Variants in FBXO28 observed in about 807,000 individuals in gnomAD.
FBXO28 encodes F-box only protein 28.
A neutral mutation model predicts 38.1 loss-of-function variants in FBXO28; 8 were observed. The ratio of observed to expected loss-of-function variants is 0.21; its 90% confidence interval spans 0.12 to 0.38. The LOEUF (loss-of-function observed/expected upper bound fraction) is 0.38. Among genes scored for constraint, FBXO28 ranks in the 10% least tolerant of loss-of-function variants. The probability of loss-of-function intolerance (pLI) is 1.00; values close to 1 mark genes in which losing one functional copy is unlikely to be tolerated. For missense variants in FBXO28, 345 were observed against 460.6 expected, an observed-to-expected ratio of 0.75 and a Z score of 2.30; for synonymous variants, 168 against 173.8, an observed-to-expected ratio of 0.97 and a Z score of 0.26.
At chr1:224,136,311 A>G (rs1400657896) in intron 3 of FBXO28, among the ~76,000 whole-genome samples, 1 of 151,874 alleles carries the variant, frequency 6.6e-6, no homozygotes, top group Admixed American at 6.6e-5. Flanking sequence ...TAATTTCCAC[A>G]TGCTGAAGTA....
chr1:224,123,879 C>T (rs369504671), intron 1 of FBXO28, among the ~76,000 whole-genome samples: 29 of 152,096 alleles, frequency 1.9e-4, no homozygotes, highest in Non-Finnish European at 1.5e-5. Context: ...GAGACTGAGG[C>T]GAGTGGATCA....
intron 1 of FBXO28, among the ~76,000 whole-genome samples, chr1:224,127,000 C>T (rs528832808): frequency 1.6e-4 from 24 of 151,964 alleles, no homozygotes; most frequent in Non-Finnish European, 2.5e-4. Context: ...TCCTTTCTTT[C>T]CTTCAATAAC....
chr1:224,153,102 A>T, intron 3 of FBXO28, 40 bp from the exon 4 acceptor site: 1 of 1,534,832 alleles, frequency 6.5e-7, no homozygotes, highest in Non-Finnish European at 8.8e-7. Context: ...TTTATTAAAA[A>T]AGAAAAATCT....
chr1:224,127,108 G>C (rs1429800769), intron 1 of FBXO28, among the ~76,000 whole-genome samples: 3 of 151,704 alleles, frequency 2.0e-5, no homozygotes, highest in South Asian at 2.1e-4. Flanking sequence ...GTGTGGTCCA[G>C]AAACCCCAGA....
chr1:224,139,465 C>T (rs11576702), intron 3 of FBXO28, among the ~76,000 whole-genome samples: 24,182 of 151,602 alleles, frequency 0.16, 2,284 homozygotes, highest in Middle Eastern at 0.24. Flanking sequence ...ACATTTTGGC[C>T]GAGCACAGTG....
chr1:224,122,214 T>C (rs1304742184), intron 1 of FBXO28, among the ~76,000 whole-genome samples: 1 of 152,218 alleles, frequency 6.6e-6, no homozygotes, highest in Non-Finnish European at 1.5e-5. Flanking sequence ...TGTGATTCGT[T>C]CATTATTCAT....
intron 3 of FBXO28, 107 bp downstream of exon 3, chr1:224,134,319 G>C: frequency 9.7e-7 from 1 of 1,030,366 alleles, no homozygotes; most frequent in South Asian, 1.5e-5. Flanking sequence ...CTACTTCTCT[G>C]AGTTTCTACT....
At chr1:224,140,811 T>G (rs1277407177) in intron 3 of FBXO28, among the ~76,000 whole-genome samples, 1 of 151,848 alleles carries the variant, frequency 6.6e-6, no homozygotes, top group Non-Finnish European at 1.5e-5. Context: ...CCGAGCATGG[T>G]GGCACGTGCC....
intron 3 of FBXO28, among the ~76,000 whole-genome samples, chr1:224,136,101 G>GTTTTTTTTTTTTTTTTTTTTTTTT (rs397982996): frequency 4.0e-5 from 3 of 75,114 alleles, no homozygotes; most frequent in East Asian, 4.6e-4. Context: ...GTTGACTTCA[G>GTTTTTTTTTTTTTTTTTTTTTTTT]TTTTTTTTTT....
At chr1:224,129,626 A>G (rs1656989036) in intron 1 of FBXO28, among the ~76,000 whole-genome samples, 1 of 152,208 alleles carries the variant, frequency 6.6e-6, no homozygotes, top group Non-Finnish European at 1.5e-5. Context: ...ATGTCCAACA[A>G]ACACCTAAAG....
intron 1 of FBXO28, among the ~76,000 whole-genome samples, chr1:224,127,184 ATGTGTG>A (rs916334673): frequency 5.8e-5 from 3 of 51,452 alleles, no homozygotes; most frequent in African/African-American, 1.8e-4. Flanking sequence ...GTGTGTGTGT[ATGTGTG>A]TGTGTGTGTG....
intron 1 of FBXO28, among the ~76,000 whole-genome samples, 154 bp downstream of exon 1, chr1:224,114,550 C>T (rs1261718327): frequency 4.2e-5 from 5 of 119,040 alleles, no homozygotes; most frequent in African/African-American, 9.3e-5. Context: ...TCTCCCTTGG[C>T]GTCAGTCAGC....
intron 1 of FBXO28, among the ~76,000 whole-genome samples, chr1:224,115,545 C>A (rs897213336): frequency 6.6e-6 from 1 of 152,090 alleles, no homozygotes; most frequent in Non-Finnish European, 1.5e-5. Context: ...AATATTAATT[C>A]AAACTGATGG....
chr1:224,119,691 G>A (rs1231892798), intron 1 of FBXO28, among the ~76,000 whole-genome samples: 1 of 152,062 alleles, frequency 6.6e-6, no homozygotes, highest in Non-Finnish European at 1.5e-5. Context: ...GAGTGTTGAG[G>A]TTGATTAGGA....
At chr1:224,134,550 A>G (rs1393600598) in intron 3 of FBXO28, among the ~76,000 whole-genome samples, 2 of 152,206 alleles carry the variant, frequency 1.3e-5, no homozygotes, top group Admixed American at 1.3e-4. Flanking sequence ...CAAGACTATT[A>G]TAATTTTGGG....
intron 3 of FBXO28, among the ~76,000 whole-genome samples, chr1:224,150,706 T>G (rs1242964351): frequency 6.6e-6 from 1 of 152,146 alleles, no homozygotes; most frequent in East Asian, 1.9e-4. Context: ...CCCCATATCT[T>G]CAATTGATCA....
chr1:224,145,163 C>T (rs980439724), intron 3 of FBXO28, among the ~76,000 whole-genome samples: 1 of 151,344 alleles, frequency 6.6e-6, no homozygotes. Context: ...GGCGTGATGG[C>T]GGGCATCTGT....
At chr1:224,145,154 G>A (rs993392876) in intron 3 of FBXO28, among the ~76,000 whole-genome samples, 1 of 151,676 alleles carries the variant, frequency 6.6e-6, no homozygotes, top group African/African-American at 2.4e-5. Context: ...AATTAGCCGG[G>A]CGTGATGGCG....
chr1:224,118,367 A>G (rs1487234226), intron 1 of FBXO28, among the ~76,000 whole-genome samples: 1 of 152,212 alleles, frequency 6.6e-6, no homozygotes, highest in East Asian at 1.9e-4. Flanking sequence ...GGAGGCTTTT[A>G]AAAGATGTTT....
Sources: allele counts gnomAD v4.1 joint callset (sites outside exome capture counted in the v4.1 genomes callset), GRCh38; gene constraint gnomAD v4.1.1; transcripts MANE v1.5; gene names NCBI Gene and HGNC (gene_info 2026-07-23, HGNC 2026-07-21).